MACROD2: variants seen among roughly 807,000 people sequenced by gnomAD.
MACROD2 encodes ADP-ribose glycohydrolase MACROD2.
MACROD2 carries 36 observed loss-of-function variants against 70.4 expected under a neutral mutation model. The observed-to-expected ratio is 0.51, with a 90% confidence interval of 0.39 to 0.68. The LOEUF is 0.68. Ranked by LOEUF, MACROD2 falls within the 30% of genes least tolerant of loss-of-function variation. The pLI is 0.00. For missense variants in MACROD2, 496 were observed against 538.4 expected (o/e 0.92, Z 0.78); for synonymous variants, 172 against 178.8 (o/e 0.96, Z 0.30).
intron 3 of MACROD2, among the ~76,000 whole-genome samples, chr20:14,327,841 C>G (rs2082763342): frequency 6.6e-6 from 1 of 151,892 alleles, no homozygotes; most frequent in Non-Finnish European, 1.5e-5. Context: ...ATTGAATAAT[C>G]CAAAGTATTT....
chr20:15,393,618 C>A (rs1287373354), intron 6 of MACROD2, among the ~76,000 whole-genome samples: 1 of 152,136 alleles, frequency 6.6e-6, no homozygotes, highest in East Asian at 1.9e-4. Flanking sequence ...TATTCAATTT[C>A]ATTTCAATGT....
chr20:15,479,341 C>T (rs886263719), intron 7 of MACROD2, among the ~76,000 whole-genome samples: 11 of 137,238 alleles, frequency 8.0e-5, no homozygotes, highest in East Asian at 4.4e-4. Flanking sequence ...GGCGGGATCT[C>T]GGCTCACTGC....
intron 8 of MACROD2, among the ~76,000 whole-genome samples, chr20:15,512,519 T>C (rs2047513554): frequency 6.6e-6 from 1 of 152,244 alleles, no homozygotes; most frequent in African/African-American, 2.4e-5. Context: ...CAGGGCTATC[T>C]CATGGATCTT....
chr20:14,699,361 T>G (rs958514307), intron 5 of MACROD2, among the ~76,000 whole-genome samples: 5 of 152,212 alleles, frequency 3.3e-5, no homozygotes, highest in Non-Finnish European at 5.9e-5. Context: ...GGAATGTTGA[T>G]GTGTATTTCC....
chr20:14,881,581 A>G (rs1274875789), intron 5 of MACROD2, among the ~76,000 whole-genome samples: 3 of 152,040 alleles, frequency 2.0e-5, no homozygotes, highest in African/African-American at 7.2e-5. Flanking sequence ...CTTGCCAGTC[A>G]GCTGAGAAAA....
rs189214514 is a variant in MACROD2, at chr20:15,534,607, C to T, written c.645+34760C>T. On this transcript the variant is annotated intron_variant, in intron 8 of 17. Coordinates refer to ENST00000684519, the MANE Select transcript of MACROD2 (RefSeq NM_001351661.2). ...GGAGTCTCTAAAGCATGTAATAGGACGGTAGATATGAAGGTTGATAGATAT... is the reference window on the plus strand; with the variant it reads ...GGAGTCTCTAAAGCATGTAATAGGATGGTAGATATGAAGGTTGATAGATAT... Among the ~76,000 whole-genome samples, 731 of 152,012 alleles carry T rather than the reference C, an allele frequency of 4.8e-3. 8 individuals are homozygous for T. Among genetic ancestry groups the T allele is most frequent in the African/African-American group, 0.016 (671 of 41,468 alleles).
At chr20:15,084,492 G>C (rs1601048322) in intron 5 of MACROD2, among the ~76,000 whole-genome samples, 1 of 152,136 alleles carries the variant, frequency 6.6e-6, no homozygotes, top group East Asian at 1.9e-4. Flanking sequence ...AAGAAGTCAA[G>C]GCTATTTTTA....
intron 3 of MACROD2, among the ~76,000 whole-genome samples, chr20:14,403,721 A>T (rs1181035829): frequency 6.6e-6 from 1 of 152,142 alleles, no homozygotes; most frequent in Non-Finnish European, 1.5e-5. Context: ...GCAAAATGAG[A>T]ATTTAGTTTA....
intron 8 of MACROD2, among the ~76,000 whole-genome samples, chr20:15,548,389 T>C (rs553253032): frequency 6.6e-6 from 1 of 152,090 alleles, no homozygotes; most frequent in East Asian, 1.9e-4. Flanking sequence ...GAGATGTGCT[T>C]TTTTTTGTTT....
intron 5 of MACROD2, among the ~76,000 whole-genome samples, chr20:15,123,711 A>G (rs895328297): frequency 6.6e-6 from 1 of 152,220 alleles, no homozygotes; most frequent in African/African-American, 2.4e-5. Context: ...TACCTTAACA[A>G]TAAATTCCTT....
At chr20:15,368,719 T>C (rs542542691) in intron 6 of MACROD2, among the ~76,000 whole-genome samples, 20 of 152,264 alleles carry the variant, frequency 1.3e-4, no homozygotes, top group Non-Finnish European at 1.8e-4. Context: ...CTCCTTGTCC[T>C]CCCAAAATGC....
At chr20:14,547,276 TA>T in intron 4 of MACROD2, 3 of 443,780 alleles carry the variant, frequency 6.8e-6, no homozygotes, top group Non-Finnish European at 1.0e-5. Flanking sequence ...GTTATCTATA[TA>T]ATCCTCATGA....
At chr20:15,530,361 C>T (rs1206234699) in intron 8 of MACROD2, among the ~76,000 whole-genome samples, 2 of 151,986 alleles carry the variant, frequency 1.3e-5, no homozygotes, top group African/African-American at 4.8e-5. Flanking sequence ...GGTTTAATAC[C>T]ATAATACTAA....
intron 15 of MACROD2, among the ~76,000 whole-genome samples, chr20:15,998,053 T>C (rs1248288548): frequency 1.3e-5 from 2 of 152,218 alleles, no homozygotes; most frequent in African/African-American, 2.4e-5. Flanking sequence ...AATCCCTCCA[T>C]CCTTCTAAAC....
rs572853363 is a variant in MACROD2 at position 15,544,512 on chromosome 20, A to G, written c.645+44665A>G. Among the ~76,000 whole-genome samples the G allele has an allele frequency of 5.7e-4, 87 of 152,328 alleles. 1 individual carries two copies. Among genetic ancestry groups the G allele is most frequent in the African/African-American group, 2.1e-3 (86 of 41,578 alleles). On this transcript the variant is annotated intron_variant, in intron 8 of 17. Transcript: ENST00000684519. The stretch of plus-strand genomic sequence containing the variant: ...TGTAGCAACAGAGAAGCCAATCATG[A>G]TTAGATTTCCTGGCATGTTATTCAC...
At chr20:14,320,370 A>G (rs1222918460) in intron 3 of MACROD2, among the ~76,000 whole-genome samples, 1 of 152,148 alleles carries the variant, frequency 6.6e-6, no homozygotes, top group Non-Finnish European at 1.5e-5. Context: ...ATAGCCGTCT[A>G]ACTTGTCTTC....
At chr20:14,709,828 T>C (rs988821885) in intron 5 of MACROD2, among the ~76,000 whole-genome samples, 1 of 152,218 alleles carries the variant, frequency 6.6e-6, no homozygotes, top group Non-Finnish European at 1.5e-5. Context: ...CTTCAATTTG[T>C]TAAATTGAGT....
chr20:15,931,166 C>T (rs1048019158), intron 10 of MACROD2, among the ~76,000 whole-genome samples: 2 of 152,188 alleles, frequency 1.3e-5, no homozygotes, highest in Non-Finnish European at 2.9e-5. Context: ...CCTGCACCAA[C>T]TTGGCCTTGT....
At position 13,996,000 on chromosome 20, in the gene MACROD2, C is replaced by T. The variant is rs1041438037; in HGVS notation, c.46+191C>T. Among the ~76,000 whole-genome samples the T allele has an allele frequency of 5.9e-5, 9 of 152,262 alleles. No homozygotes were observed. The highest frequency in any genetic ancestry group is 1.9e-4 in the African/African-American group (8 of 41,578). On this transcript the variant is annotated intron_variant, in intron 1 of 17. Coordinates refer to ENST00000684519, the MANE Select transcript of MACROD2 (RefSeq NM_001351661.2). This position sits in a 1 kb window ranked among gnomAD's most constrained non-coding sequence, Gnocchi z 4.3. ...GCGCACTCCGGCGTGCACGCGCCGCCCCTGGGCACCTGCAGCTCGCGCACG... is the reference window on the plus strand; with the variant it reads ...GCGCACTCCGGCGTGCACGCGCCGCTCCTGGGCACCTGCAGCTCGCGCACG...
Sources: gnomAD v4.1 joint callset for allele counts (sites outside exome capture counted in the v4.1 genomes callset) on GRCh38, gnomAD v4.1.1 for gene constraint, Gnocchi (gnomAD v3.1) non-coding constraint, MANE v1.5 for transcripts, NCBI Gene and HGNC (gene_info 2026-07-23, HGNC 2026-07-21) for gene names.